The following PDE3A variants were observed in gnomAD, a reference collection of about 807,000 sequenced individuals.
PDE3A encodes the protein phosphodiesterase 3A, also known as cGMP-inhibited 3',5'-cyclic phosphodiesterase 3A.
In PDE3A, 43 loss-of-function variants were observed where a neutral mutation model predicts 98.3. The ratio of observed to expected loss-of-function variants is 0.44; its 90% CI spans 0.34 to 0.56. PDE3A has a LOEUF of 0.56. PDE3A is among the 20% of genes least tolerant of loss of function. PDE3A has a pLI of 0.01. For synonymous variants in PDE3A, 663 were observed against 567.9 expected (o/e 1.17, Z -2.38); for missense variants, 1,427 against 1,440.7 (o/e 0.99, Z 0.15).
chr12:20,669,671 G>A (rs1003168647), intron 15 of PDE3A, among the ~76,000 whole-genome samples: 7 of 151,678 alleles, frequency 4.6e-5, no homozygotes, highest in Admixed American at 6.6e-5. Context: ...TCACCACCAG[G>A]CCTGCCCTAA....
chr12:20,587,130 G>A (rs1943217294), intron 2 of PDE3A, among the ~76,000 whole-genome samples: 1 of 152,106 alleles, frequency 6.6e-6, no homozygotes, highest in South Asian at 2.1e-4. Flanking sequence ...AACACTTTAG[G>A]AGGTCGAGGT....
chr12:20,527,091 G>T (rs181326799), intron 1 of PDE3A, among the ~76,000 whole-genome samples: 6 of 151,932 alleles, frequency 3.9e-5, no homozygotes, highest in Admixed American at 2.0e-4. Context: ...GCTGATTTTT[G>T]TATTTTTAGT....
intron 12 of PDE3A, 26 bp from the exon 13 acceptor site, chr12:20,648,662 A>T (rs1385502468): frequency 1.4e-6 from 2 of 1,430,084 alleles, no homozygotes; most frequent in African/African-American, 2.8e-5. Flanking sequence ...TAAAAAGTTG[A>T]ACTCTTAACT....
At chr12:20,542,436 TACACACACACACACAC>T (rs57427303) in intron 1 of PDE3A, among the ~76,000 whole-genome samples, 4 of 149,834 alleles carry the variant, frequency 2.7e-5, no homozygotes, top group Non-Finnish European at 4.5e-5. Context: ...CGTAACAGCA[TACACACACACACACAC>T]ACACACACAC....
At chr12:20,547,064 TC>T (rs1942078530) in intron 1 of PDE3A, among the ~76,000 whole-genome samples, 1 of 152,108 alleles carries the variant, frequency 6.6e-6, no homozygotes, top group Non-Finnish European at 1.5e-5. Context: ...TGCTCCCGCC[TC>T]AGAGCCTTTA....
chr12:20,379,122 T>C (rs901882112), intron 1 of PDE3A, among the ~76,000 whole-genome samples: 2 of 151,804 alleles, frequency 1.3e-5, no homozygotes, highest in Non-Finnish European at 2.9e-5. Flanking sequence ...ATAAACCACT[T>C]AAAGAGACCT....
intron 1 of PDE3A, among the ~76,000 whole-genome samples, chr12:20,452,736 C>T (rs375385564): frequency 6.6e-6 from 1 of 152,152 alleles, no homozygotes; most frequent in South Asian, 2.1e-4. Flanking sequence ...CCTTTCATCA[C>T]GGGCTGTGGA....
intron 1 of PDE3A, among the ~76,000 whole-genome samples, chr12:20,394,003 C>A (rs1943964878): frequency 6.6e-6 from 1 of 152,146 alleles, no homozygotes; most frequent in Non-Finnish European, 1.5e-5. Flanking sequence ...CAAATCGCAG[C>A]TCTATAAACT....
At chr12:20,430,328 C>T (rs1025577253) in intron 1 of PDE3A, among the ~76,000 whole-genome samples, 1 of 151,904 alleles carries the variant, frequency 6.6e-6, no homozygotes, top group Non-Finnish European at 1.5e-5. Flanking sequence ...TATTTTTCAT[C>T]CAGAAATATC....
At chr12:20,448,752 GT>G (rs34848615) in intron 1 of PDE3A, among the ~76,000 whole-genome samples, 103 of 138,534 alleles carry the variant, frequency 7.4e-4, no homozygotes, top group African/African-American at 7.9e-4. Context: ...TTATTTTAAG[GT>G]TTTTTTTTTT....
At chr12:20,673,903 C>T (rs1224389025) in intron 15 of PDE3A, among the ~76,000 whole-genome samples, 3 of 152,012 alleles carry the variant, frequency 2.0e-5, no homozygotes, top group Admixed American at 6.6e-5. Context: ...TGAATCCATA[C>T]ATTGCTTGGG....
chr12:20,674,986 CTAGT>C (rs1340884100), intron 15 of PDE3A, among the ~76,000 whole-genome samples: 1 of 151,540 alleles, frequency 6.6e-6, no homozygotes, highest in Non-Finnish European at 1.5e-5. Context: ...ACTTTGTGGC[CTAGT>C]TAGTTATTGC....
chr12:20,482,167 T>C (rs745885019), intron 1 of PDE3A, among the ~76,000 whole-genome samples: 10 of 152,148 alleles, frequency 6.6e-5, no homozygotes, highest in Non-Finnish European at 1.0e-4. Context: ...GATTACATAA[T>C]TGATCATTTA....
intron 1 of PDE3A, among the ~76,000 whole-genome samples, chr12:20,484,481 G>GT (rs796505000): frequency 5.1e-4 from 78 of 152,236 alleles, no homozygotes; most frequent in African/African-American, 1.8e-3. Flanking sequence ...GATTTTTGGC[G>GT]TATCTGTGAT....
chr12:20,658,249 G>A (rs1283576956), intron 15 of PDE3A, among the ~76,000 whole-genome samples: 2 of 152,136 alleles, frequency 1.3e-5, no homozygotes, highest in Non-Finnish European at 2.9e-5. Context: ...TGATATAAGG[G>A]GTCTTGGCCT....
Position 20,662,382 on chromosome 12 carries a change from C to A in PDE3A, c.3184+8177C>A, listed in dbSNP as rs537148572. 6.6e-5 allele frequency among the ~76,000 whole-genome samples: 10 copies of A among 150,786 alleles called. No individual in the cohort carries two copies. In the East Asian group the frequency reaches 2.0e-3, roughly 30 times the overall value. On this transcript the variant is annotated intron_variant, in intron 15 of 15. Transcript: ENST00000359062. The stretch of plus-strand genomic sequence containing the variant: ...AGTCACTCTTGTTTTGCTTACCCTG[C>A]AGAGCCACAGGGGCAAAGCTGCCCA...
rs181870037 is a variant in PDE3A, at chr12:20,487,681, G to A, written c.961-68979G>A. Among the ~76,000 whole-genome samples, 345 of 151,062 alleles carry A rather than the reference G, an allele frequency of 2.3e-3. 5 individuals carry two copies. The highest frequency in any genetic ancestry group is 8.1e-3 in the African/African-American group (334 of 41,192). On this transcript the variant is annotated intron_variant, in intron 1 of 15. Transcript: ENST00000359062. ...AAAAAAAAATAAATAAATAAAAAAA[G>A]TGGTCAGTTTCTACAAGGCAATATT... is the stretch of plus-strand genomic sequence containing the variant.
intron 1 of PDE3A, among the ~76,000 whole-genome samples, chr12:20,421,069 A>G (rs1034514655): frequency 6.6e-6 from 1 of 152,188 alleles, no homozygotes; most frequent in African/African-American, 2.4e-5. Flanking sequence ...AATAGAGAAC[A>G]CTGAAATGGT....
At chr12:20,561,262 A>C (rs962539390) in intron 2 of PDE3A, among the ~76,000 whole-genome samples, 1 of 152,194 alleles carries the variant, frequency 6.6e-6, no homozygotes, top group Non-Finnish European at 1.5e-5. Flanking sequence ...TGCTAAAAAA[A>C]AAAGATATTT....
Sources: gnomAD v4.1 joint callset for allele counts (sites outside exome capture counted in the v4.1 genomes callset) on GRCh38, gnomAD v4.1.1 for gene constraint, MANE v1.5 for transcripts, NCBI Gene and HGNC (gene_info 2026-07-23, HGNC 2026-07-21) for gene names.